NCLN: variants seen among roughly 807,000 people sequenced by gnomAD.
NCLN encodes the protein BOS complex subunit NCLN.
NCLN carries 34 observed loss-of-function variants against 69.5 expected under a neutral mutation model. The ratio of observed to expected loss-of-function variants is 0.49; its 90% confidence interval spans 0.37 to 0.65. NCLN has a LOEUF of 0.65. NCLN is among the 30% of genes least tolerant of loss of function. The pLI is 0.00. For synonymous variants in NCLN, 393 were observed against 358.3 expected, an observed-to-expected ratio of 1.10 and a Z score of -1.09; for missense variants, 710 against 804.8, an observed-to-expected ratio of 0.88 and a Z score of 1.42.
At chr19:3,200,459 T>C (rs1263287090) in intron 5 of NCLN, among the ~76,000 whole-genome samples, 4 of 151,470 alleles carry the variant, frequency 2.6e-5, no homozygotes. Flanking sequence ...TACAGGCGCG[T>C]GCCACCACAC....
chr19:3,203,303 C>T (rs80023562), intron 6 of NCLN, among the ~76,000 whole-genome samples: 4,365 of 151,444 alleles, frequency 0.029, 204 homozygotes, highest in African/African-American at 0.099. Context: ...AGCGAAACTC[C>T]GTCCCAAAAG....
chr19:3,204,258 G>C, intron 8 of NCLN, 114 bp downstream of exon 8: 1 of 1,291,644 alleles, frequency 7.7e-7, no homozygotes, highest in South Asian at 1.6e-5. Context: ...GGCTCTGAGG[G>C]CCACACTGTG....
At chr19:3,196,960 G>T (rs1915975899) in intron 4 of NCLN, among the ~76,000 whole-genome samples, 1 of 152,230 alleles carries the variant, frequency 6.6e-6, no homozygotes, top group African/African-American at 2.4e-5. Flanking sequence ...TGCTGTTTTG[G>T]GGACCCAGGC....
Position 3,207,949 on chromosome 19 carries a change from C to A in NCLN, c.*261C>A. On this transcript the variant is annotated 3_prime_UTR_variant, in exon 15 of 15. Coordinates refer to ENST00000246117, the MANE Select transcript of NCLN (RefSeq NM_020170.4). ...GTCCCGGGGCCAGGCTACGGACTTG[C>A]GGACGAGCCCCCCAGTCCTGGGAGC... The A allele has an allele frequency of 2.0e-6, 1 of 493,464 alleles. No individual in the cohort carries two copies. The highest frequency in any genetic ancestry group is 3.5e-5 in the Admixed American group (1 of 28,962). 30.6% of individuals were successfully genotyped at this position (493,464 alleles called of 1,614,324 possible).
At chr19:3,196,453 C>G (rs577883580) in intron 4 of NCLN, among the ~76,000 whole-genome samples, 176 bp downstream of exon 4, 1 of 152,234 alleles carries the variant, frequency 6.6e-6, no homozygotes, top group South Asian at 2.1e-4. Context: ...GGAACCCAAA[C>G]TCCTCACATG....
In NCLN at chr19:3,209,366, T is replaced by G. The variant is rs1461875770; in HGVS notation, c.*1678T>G. On this transcript the variant is annotated 3_prime_UTR_variant, in exon 15 of 15. Coordinates refer to ENST00000246117, the MANE Select transcript of NCLN (RefSeq NM_020170.4). The stretch of plus-strand genomic sequence containing the variant: ...CTCTGGGACCCAGGCAGCTGCCACC[T>G]TGTCACCATGAGAGAATTTGGGGAG... 6.6e-6 allele frequency: 1 copy of G among 152,306 alleles called. No homozygotes were observed. The highest frequency in any genetic ancestry group is 1.5e-5 in the Non-Finnish European group (1 of 68,074). 9.4% of individuals were successfully genotyped at this position (152,306 alleles called of 1,614,324 possible). A position where few individuals can be genotyped will look rare whatever the true frequency, so the allele number is the denominator to read the frequency against.
At chr19:3,207,137 A>G in intron 12 of NCLN, 61 bp from the exon 13 acceptor site, 1 of 1,589,768 alleles carries the variant, frequency 6.3e-7, no homozygotes, top group African/African-American at 1.3e-5. Context: ...ATCTCTACAA[A>G]CCCTTTTTTA....
intron 6 of NCLN, among the ~76,000 whole-genome samples, chr19:3,202,950 G>C (rs1361537914): frequency 6.6e-6 from 1 of 152,034 alleles, no homozygotes; most frequent in Admixed American, 6.6e-5. Flanking sequence ...TGGGAAGATG[G>C]GGGTAGGGGG....
At chr19:3,206,559 G>A (rs370161551) in intron 12 of NCLN, 134 bp downstream of exon 12, 21 of 1,195,392 alleles carry the variant, frequency 1.8e-5, no homozygotes, top group Middle Eastern at 2.9e-4. Context: ...GATGAGGGCC[G>A]GACACGGCGG....
intron 4 of NCLN, 53 bp downstream of exon 4, chr19:3,196,330 T>C: frequency 7.6e-7 from 1 of 1,319,976 alleles, no homozygotes; most frequent in East Asian, 2.6e-5. Context: ...GTTCCTGCCA[T>C]CCGCCTGGCT....
At chr19:3,197,304 G>C (rs1298457185) in intron 4 of NCLN, among the ~76,000 whole-genome samples, 1 of 152,194 alleles carries the variant, frequency 6.6e-6, no homozygotes, top group Non-Finnish European at 1.5e-5. Flanking sequence ...TTGGCAGCTG[G>C]GCTTTGAGTT....
At chr19:3,195,795 T>TA (rs1190764225) in intron 3 of NCLN, among the ~76,000 whole-genome samples, 2 of 150,876 alleles carry the variant, frequency 1.3e-5, no homozygotes, top group African/African-American at 4.9e-5. Context: ...TGTCTCAAAT[T>TA]AAAAAAAAAG....
chr19:3,188,696 C>T (rs923811586), intron 1 of NCLN, among the ~76,000 whole-genome samples: 6 of 152,228 alleles, frequency 3.9e-5, no homozygotes, highest in Non-Finnish European at 7.3e-5. Context: ...GGAAGCTGGA[C>T]GCAGCTTTCC....
chr19:3,202,010 A>G (rs1356503740), intron 6 of NCLN, among the ~76,000 whole-genome samples: 1 of 151,620 alleles, frequency 6.6e-6, no homozygotes, highest in African/African-American at 2.4e-5. Context: ...TGCCCCACTC[A>G]CTCCATGCCA....
At chr19:3,196,134 C>T (rs1357691204) in intron 3 of NCLN, 49 bp from the exon 4 acceptor site, 3 of 1,406,452 alleles carry the variant, frequency 2.1e-6, no homozygotes, top group South Asian at 2.6e-5. Flanking sequence ...TGCCCCCTGG[C>T]TGGGGCCCTG....
chr19:3,197,008 A>G (rs1821603391), intron 4 of NCLN, among the ~76,000 whole-genome samples: 1 of 152,236 alleles, frequency 6.6e-6, no homozygotes, highest in African/African-American at 2.4e-5. Context: ...GCAGCGGCTT[A>G]GGCCGGGGTG....
intron 3 of NCLN, among the ~76,000 whole-genome samples, chr19:3,194,100 C>G (rs1046903131): frequency 6.6e-6 from 1 of 152,206 alleles, no homozygotes; most frequent in Non-Finnish European, 1.5e-5. Context: ...CCAGCCCCAA[C>G]AAAAACAGTT....
chr19:3,206,000 C>T lies in NCLN; in HGVS notation c.1270C>T (p.Arg424Ter), dbSNP rs1568315782. The T allele has an allele frequency of 6.2e-7, 1 of 1,613,588 alleles. No homozygotes were observed. The highest frequency in any genetic ancestry group is 8.5e-7 in the Non-Finnish European group (1 of 1,179,972). The change falls in exon 10 of 15, where the codon CGA becomes TGA. Residue 424 changes from arginine (R) to a stop codon, truncating the protein, a stop_gained. Transcript: ENST00000246117. LOFTEE classifies it high-confidence loss of function. This position sits in a 1 kb window ranked among gnomAD's most constrained non-coding sequence, Gnocchi z 4.6. Reference sequence around the variant, plus strand: ...GAGGATCATTGCAGAGGCCCTGACTCGAGTCATCTACAACCTGACAGAGAA... The same window carrying T: ...GAGGATCATTGCAGAGGCCCTGACTTGAGTCATCTACAACCTGACAGAGAA... ...NTRIIAEALT[R>*]VIYNLTEKGT...
At chr19:3,192,206 CAA>C (rs1915842682) in intron 1 of NCLN, among the ~76,000 whole-genome samples, 2 of 152,306 alleles carry the variant, frequency 1.3e-5, no homozygotes, top group African/African-American at 4.8e-5. Flanking sequence ...AACCAAAAAA[CAA>C]AGATTCTCAG....
Sources: gnomAD v4.1 joint callset for allele counts (sites outside exome capture counted in the v4.1 genomes callset) on GRCh38, gnomAD v4.1.1 for gene constraint, Gnocchi (gnomAD v3.1) non-coding constraint, MANE v1.5 for transcripts, NCBI Gene and HGNC (gene_info 2026-07-23, HGNC 2026-07-21) for gene names.